CTSS: variants seen among roughly 807,000 people sequenced by gnomAD.
CTSS encodes the protein cathepsin S.
CTSS carries 15 observed loss-of-function variants against 39.9 expected under a neutral mutation model. The observed-to-expected ratio is 0.38, with a 90% CI of 0.25 to 0.58. The LOEUF is 0.58. Among genes scored for constraint, CTSS ranks in the 20% least tolerant of loss-of-function variants. The pLI is 0.70. For missense variants in CTSS, 250 were observed against 398.2 expected, an observed-to-expected ratio of 0.63 and a Z score of 3.17; for synonymous variants, 126 against 138.2, an observed-to-expected ratio of 0.91 and a Z score of 0.62.
chr1:150,764,649 A>G lies in CTSS; in HGVS notation c.115T>C (p.Tyr39His). Residue 39 changes from tyrosine (Y) to histidine (H), a missense_variant, in exon 2 of 8, where the codon TAC (tyrosine) becomes CAC (histidine). Physicochemically the swap from Tyr to His is moderately conservative, Grantham distance 83 (BLOSUM62 2). Transcript: ENST00000368985. ...HLWKKTYGKQ[Y>H]KEKNEEAVRR... The stretch of plus-strand genomic sequence containing the variant: ...GCAATCCAATCTACCTTTTCCTTGT[A>G]TTGTTTGCCATAGGTTTTCTTCCAG... 6.2e-7 allele frequency: 1 copy of G among 1,614,094 alleles called. No homozygotes were observed. The highest frequency in any genetic ancestry group is 8.5e-7 in the Non-Finnish European group (1 of 1,179,976).
chr1:150,737,083 T>C (rs1200558659), intron 7 of CTSS, among the ~76,000 whole-genome samples: 1 of 152,156 alleles, frequency 6.6e-6, no homozygotes, highest in Non-Finnish European at 1.5e-5. Flanking sequence ...GTACATCAGA[T>C]TGGACTCAAG....
chr1:150,755,981 T>G (rs1653116535), intron 3 of CTSS, among the ~76,000 whole-genome samples: 1 of 152,204 alleles, frequency 6.6e-6, no homozygotes, highest in Admixed American at 6.5e-5. Context: ...AAACTTTTAA[T>G]TTTTTAAATG....
chr1:150,741,521 T>A (rs997915694), intron 7 of CTSS, among the ~76,000 whole-genome samples: 1 of 152,200 alleles, frequency 6.6e-6, no homozygotes, highest in Non-Finnish European at 1.5e-5. Context: ...ATAAGTTGTG[T>A]ATGAAAGTTT....
At chr1:150,757,814 T>C in intron 3 of CTSS, 44 bp downstream of exon 3, 2 of 1,595,300 alleles carry the variant, frequency 1.3e-6, no homozygotes, top group Non-Finnish European at 1.7e-6. Flanking sequence ...AAGGAAATGA[T>C]ATTTACCCAG....
At chr1:150,746,893 C>T (rs1289374973) in intron 7 of CTSS, among the ~76,000 whole-genome samples, 1 of 152,126 alleles carries the variant, frequency 6.6e-6, no homozygotes, top group Non-Finnish European at 1.5e-5. Flanking sequence ...ATTAATTTTA[C>T]ACCGAATGAA....
intron 3 of CTSS, among the ~76,000 whole-genome samples, chr1:150,756,821 A>G (rs1653141810): frequency 6.6e-6 from 1 of 150,946 alleles, no homozygotes; most frequent in Admixed American, 6.6e-5. Flanking sequence ...GGTTCAAGCA[A>G]TTCTCTTGCC....
chr1:150,730,215 A>G lies in CTSS; in HGVS notation c.*2831T>C, dbSNP rs1652489465. The G allele has an allele frequency of 6.6e-6, 1 of 152,148 alleles. No individual in the cohort carries two copies. The highest frequency in any genetic ancestry group is 6.5e-5 in the Admixed American group (1 of 15,282). 9.4% of individuals were successfully genotyped at this position (152,148 alleles called of 1,614,324 possible). On this transcript the variant is annotated 3_prime_UTR_variant, in exon 8 of 8. Transcript: ENST00000368985. ...AAGAGAAAAGCATGCACATTTATTT[A>G]ATATAAGTTTTACACGACACGAGGG...
chr1:150,765,393 C>T (rs1347756770), intron 1 of CTSS, among the ~76,000 whole-genome samples: 3 of 151,888 alleles, frequency 2.0e-5, no homozygotes, highest in Non-Finnish European at 4.4e-5. Flanking sequence ...AGAAATTCAG[C>T]GACTAGCTCC....
Position 150,748,573 on chromosome 1 carries a change from A to G in CTSS, c.794-694T>C, listed in dbSNP as rs1652940778. Among the ~76,000 whole-genome samples, 4 of 149,412 alleles carry G rather than the reference A, an allele frequency of 2.7e-5. No homozygotes were observed. The South Asian group carries it at 8.4e-4, about 31-fold the overall frequency. On this transcript the variant is annotated intron_variant, in intron 6 of 7. Transcript: ENST00000368985. ...TGTGCTTTGCTTTATTGTGCTTTGC[A>G]GATATTAGCTTTTTTTTTTTTTTAA...
At chr1:150,733,827 G>T (rs1265156990) in intron 7 of CTSS, among the ~76,000 whole-genome samples, 3 of 152,080 alleles carry the variant, frequency 2.0e-5, no homozygotes, top group Admixed American at 2.0e-4. Flanking sequence ...AATTAGCCAG[G>T]CATGGTGGCA....
At chr1:150,743,639 T>G (rs1652822482) in intron 7 of CTSS, among the ~76,000 whole-genome samples, 1 of 83,056 alleles carries the variant, frequency 1.2e-5, no homozygotes, top group Non-Finnish European at 2.7e-5. Flanking sequence ...ATACATAATA[T>G]ATTATATATG....
intron 7 of CTSS, among the ~76,000 whole-genome samples, chr1:150,738,866 T>G (rs1256577142): frequency 1.3e-5 from 2 of 152,092 alleles, no homozygotes; most frequent in African/African-American, 4.8e-5. Flanking sequence ...CCCTTTTCCC[T>G]GAGACACAAT....
At chr1:150,752,586 T>TTC (rs1191868685) in intron 4 of CTSS, among the ~76,000 whole-genome samples, 1 of 152,136 alleles carries the variant, frequency 6.6e-6, no homozygotes, top group Admixed American at 6.5e-5. Flanking sequence ...ATTGTTCTCT[T>TTC]TCTCTCTCCT....
chr1:150,743,201 TAGTG>T (rs1652804094), intron 7 of CTSS, among the ~76,000 whole-genome samples: 1 of 152,006 alleles, frequency 6.6e-6, no homozygotes, highest in South Asian at 2.1e-4. Context: ...TGAATCAAGA[TAGTG>T]AGAAATGTGC....
At chr1:150,738,964 G>A (rs1177426261) in intron 7 of CTSS, among the ~76,000 whole-genome samples, 3 of 152,138 alleles carry the variant, frequency 2.0e-5, no homozygotes, top group Non-Finnish European at 4.4e-5. Flanking sequence ...GGAGGCCAAG[G>A]CAGGTGGATC....
At chr1:150,761,960 A>G (rs4537557) in intron 2 of CTSS, among the ~76,000 whole-genome samples, 52,641 of 152,058 alleles carry the variant, frequency 0.35, 9,443 homozygotes, top group South Asian at 0.53. Flanking sequence ...AAGTCCTTAA[A>G]TAGTCAAAGT....
intron 4 of CTSS, 106 bp downstream of exon 4, chr1:150,754,895 G>T: frequency 8.4e-7 from 1 of 1,190,230 alleles, no homozygotes; most frequent in Non-Finnish European, 1.2e-6. Flanking sequence ...AAAATAACTA[G>T]AAAGTAACAC....
intron 3 of CTSS, among the ~76,000 whole-genome samples, chr1:150,756,370 C>A (rs1050596945): frequency 9.9e-5 from 15 of 152,174 alleles, no homozygotes; most frequent in Admixed American, 4.6e-4. Flanking sequence ...TCTAAAATAA[C>A]AATTAAAAGT....
intron 3 of CTSS, among the ~76,000 whole-genome samples, chr1:150,757,594 A>G (rs916029921): frequency 3.9e-5 from 6 of 152,102 alleles, no homozygotes; most frequent in African/African-American, 1.4e-4. Context: ...TACTTTCTAG[A>G]ATTTATTAAA....
Sources: gnomAD v4.1 joint callset for allele counts (sites outside exome capture counted in the v4.1 genomes callset) on GRCh38, gnomAD v4.1.1 for gene constraint, MANE v1.5 for transcripts, NCBI Gene and HGNC (gene_info 2026-07-23, HGNC 2026-07-21) for gene names.